The following SLF1 variants were observed in gnomAD, a reference collection of about 807,000 sequenced individuals.
SLF1 encodes the protein SMC5-SMC6 complex localization factor protein 1.
SLF1 carries 105 observed loss-of-function variants against 123.0 expected under a neutral mutation model. The ratio of observed to expected loss-of-function variants is 0.85; its 90% confidence interval spans 0.73 to 1.00. The LOEUF (loss-of-function observed/expected upper bound fraction) is 1.00, where lower values mean the gene tolerates loss of function less well. Among genes scored for constraint, SLF1 ranks in the 50% least tolerant of loss-of-function variants. SLF1 has a pLI of 0.00. For missense variants in SLF1, 1,239 were observed against 1,223.0 expected (o/e 1.01, Z -0.20); for synonymous variants, 434 against 406.6 (o/e 1.07, Z -0.81).
Position 94,628,937 on chromosome 5 carries a change from T to C in SLF1, c.114+13T>C, listed in dbSNP as rs1389896481. On this transcript the variant is annotated intron_variant, in intron 2 of 20. Transcript: ENST00000265140. ...TATTAAGAGTGAGGTAAGAAACTTA[T>C]CAAAATGTTCAAGATATATTTGAAA... is the stretch of plus-strand genomic sequence containing the variant. The C allele has an allele frequency of 1.3e-6, 2 of 1,507,146 alleles. No individual in the cohort carries two copies. Among genetic ancestry groups the C allele is most frequent in the African/African-American group, 1.4e-5 (1 of 71,510 alleles). The allele number at this position is 1,507,146 out of a possible 1,614,324, so 93.4% of individuals were successfully genotyped here. A position where few individuals can be genotyped will look rare whatever the true frequency, so the allele number is the denominator to read the frequency against.
chr5:94,640,817 C>T (rs979477371), intron 4 of SLF1, among the ~76,000 whole-genome samples: 22 of 152,124 alleles, frequency 1.4e-4, no homozygotes, highest in African/African-American at 5.3e-4. Context: ...CCATTGAACT[C>T]TCCAGTGAAT....
chr5:94,635,014 C>A (rs1745595972), intron 4 of SLF1, among the ~76,000 whole-genome samples: 1 of 152,098 alleles, frequency 6.6e-6, no homozygotes. Context: ...TAAATGTTTC[C>A]TTTGCTGTGC....
Position 94,654,683 on chromosome 5 carries a change from G to A in SLF1, c.1086G>A (p.Met362Ile). The change falls in exon 9 of 21, where the codon ATG becomes ATA. Residue 362 changes from methionine (M) to isoleucine (I), a missense_variant. By Grantham distance (10) the Met-to-Ile change is conservative. Transcript: ENST00000265140. ...AATATGCCAAAGAATCAAAAGCCAT[G>A]GCTATTAAGACAGATGTGGATGTTG... ...FAEYAKESKA[M>I]AIKTDVDVVE... 6.5e-7 allele frequency: 1 copy of A among 1,544,660 alleles called. No homozygotes were observed. Among genetic ancestry groups the A allele is most frequent in the Non-Finnish European group, 8.7e-7 (1 of 1,143,036 alleles).
chr5:94,692,041 C>T (rs1405644439), intron 19 of SLF1, 33 bp from the exon 20 acceptor site: 4 of 1,604,030 alleles, frequency 2.5e-6, no homozygotes, highest in South Asian at 2.2e-5. Flanking sequence ...CCTACTTCTG[C>T]TGTTTTAAAA....
intron 1 of SLF1, among the ~76,000 whole-genome samples, chr5:94,620,495 G>C (rs1791670646): frequency 6.6e-6 from 1 of 152,102 alleles, no homozygotes; most frequent in African/African-American, 2.4e-5. Flanking sequence ...CAAAAACATT[G>C]CGTTTTGGGA....
chr5:94,696,444 AGT>A lies in SLF1; in HGVS notation c.*1133_*1134del, dbSNP rs1442954690. On this transcript the variant is annotated 3_prime_UTR_variant, in exon 21 of 21. Transcript: ENST00000265140. ...TCAGTATGAAAAAATATTTTAAATAAGTACTTTTTCCACACATACTCAGGAAA... is the reference window on the plus strand; with the variant it reads ...TCAGTATGAAAAAATATTTTAAATAAACTTTTTCCACACATACTCAGGAAA... The A allele has an allele frequency of 6.6e-6, 1 of 151,836 alleles. No homozygotes were observed. Among genetic ancestry groups the A allele is most frequent in the Non-Finnish European group, 1.5e-5 (1 of 67,816 alleles). 9.4% of individuals were successfully genotyped at this position (151,836 alleles called of 1,614,324 possible). A position where few individuals can be genotyped will look rare whatever the true frequency, so the allele number is the denominator to read the frequency against.
Position 94,665,736 on chromosome 5 carries a change from G to A in SLF1, c.1369-125G>A, listed in dbSNP as rs1313071264. 5.1e-5 allele frequency: 44 copies of A among 863,594 alleles called. No individual in the cohort carries two copies. The East Asian group carries it at 9.6e-4, about 19-fold the overall frequency. 53.5% of individuals were successfully genotyped at this position (863,594 alleles called of 1,614,324 possible). A position where few individuals can be genotyped will look rare whatever the true frequency, so the allele number is the denominator to read the frequency against. ...CCACTGCACTCCAGCCTGGGTGACA[G>A]AGCCAGACTCCGTCTCAAAAAAGAA... On this transcript the variant is annotated intron_variant, in intron 11 of 20. Transcript: ENST00000265140.
intron 6 of SLF1, among the ~76,000 whole-genome samples, chr5:94,650,597 C>T (rs1747590036): frequency 6.6e-6 from 1 of 152,102 alleles, no homozygotes; most frequent in Non-Finnish European, 1.5e-5. Context: ...ATCTCCTGAC[C>T]TCGTGATCCG....
At chr5:94,627,890 C>T (rs1052825500) in intron 1 of SLF1, among the ~76,000 whole-genome samples, 19 of 151,496 alleles carry the variant, frequency 1.3e-4, no homozygotes, top group Non-Finnish European at 2.2e-4. Context: ...AGTGCAATCG[C>T]GTGATCTCGC....
intron 9 of SLF1, among the ~76,000 whole-genome samples, chr5:94,657,635 G>T (rs772242705): frequency 9.2e-5 from 14 of 151,978 alleles, no homozygotes; most frequent in Non-Finnish European, 2.1e-4. Context: ...TTAGAATGGG[G>T]TATTAGAGTC....
At chr5:94,674,591 G>C (rs761820460) in intron 14 of SLF1, among the ~76,000 whole-genome samples, 31 of 152,048 alleles carry the variant, frequency 2.0e-4, no homozygotes, top group Non-Finnish European at 2.2e-4. Context: ...ATCATTTTCT[G>C]TACTGTAAAG....
In SLF1 at chr5:94,621,582, T is replaced by A. The variant is rs539401424; in HGVS notation, c.-1+2817T>A. On this transcript the variant is annotated intron_variant, in intron 1 of 20. Coordinates refer to ENST00000265140, the MANE Select transcript of SLF1 (RefSeq NM_032290.4). ...GATATCTACTGTCCACCTATTCTTT[T>A]TCTGAACCTTTCCTCTCTTGACCAA... 5.3e-5 allele frequency among the ~76,000 whole-genome samples: 8 copies of A among 152,294 alleles called. No individual in the cohort carries two copies. The South Asian group carries it at 1.7e-3, about 32-fold the overall frequency.
At chr5:94,643,501 A>T in intron 5 of SLF1, 66 bp downstream of exon 5, 1 of 1,105,078 alleles carries the variant, frequency 9.0e-7, no homozygotes, top group Non-Finnish European at 1.2e-6. Context: ...ATACCAACAT[A>T]GTAAAATATA....
rs187373830 is a variant in SLF1 at position 94,629,244 on chromosome 5, T to C, written c.190+77T>C. On this transcript the variant is annotated intron_variant, in intron 3 of 20. Transcript: ENST00000265140. The stretch of plus-strand genomic sequence containing the variant: ...AAAAGTATTTTAGTCTCTGGAGAGA[T>C]AGCATATTTACATATCAAACCTAAA... 1.1e-5 allele frequency: 12 copies of C among 1,058,028 alleles called. No homozygotes were observed. The East Asian group carries it at 2.7e-4, about 24-fold the overall frequency. The allele number at this position is 1,058,028 out of a possible 1,614,324, so 65.5% of individuals were successfully genotyped here.
At chr5:94,666,938 C>T (rs964980592) in intron 12 of SLF1, among the ~76,000 whole-genome samples, 1 of 147,434 alleles carries the variant, frequency 6.8e-6, no homozygotes, top group Non-Finnish European at 1.5e-5. Context: ...GACCATCACG[C>T]CTGGCTGGGA....
chr5:94,646,274 T>G (rs1747041255), intron 5 of SLF1, among the ~76,000 whole-genome samples: 1 of 152,108 alleles, frequency 6.6e-6, no homozygotes, highest in African/African-American at 2.4e-5. Context: ...ACATTGTATT[T>G]TTTAAAAAAG....
At chr5:94,680,512 A>C (rs1333515859) in intron 15 of SLF1, among the ~76,000 whole-genome samples, 1 of 152,196 alleles carries the variant, frequency 6.6e-6, no homozygotes, top group Non-Finnish European at 1.5e-5. Context: ...CTAGAATGGG[A>C]ACTAAGCATT....
At chr5:94,651,430 C>T (rs755418358) in intron 6 of SLF1, among the ~76,000 whole-genome samples, 5 of 152,094 alleles carry the variant, frequency 3.3e-5, no homozygotes, top group Non-Finnish European at 5.9e-5. Context: ...AATGATTAAA[C>T]AACATGATTT....
At chr5:94,690,658 G>A (rs890101465) in intron 18 of SLF1, among the ~76,000 whole-genome samples, 4 of 152,056 alleles carry the variant, frequency 2.6e-5, no homozygotes, top group Non-Finnish European at 4.4e-5. Context: ...CTGTAAAAAT[G>A]TGCTACTTAG....
Sources: allele counts gnomAD v4.1 joint callset (sites outside exome capture counted in the v4.1 genomes callset), GRCh38; gene constraint gnomAD v4.1.1; transcripts MANE v1.5; gene names NCBI Gene and HGNC (gene_info 2026-07-23, HGNC 2026-07-21).